TMEM185A: variants seen among roughly 807,000 people sequenced by gnomAD.
The protein encoded by TMEM185A is family with sequence similarity 11, member A.
A neutral mutation model predicts 25.0 loss-of-function variants in TMEM185A; 9 were observed. That is an observed-to-expected ratio of 0.36 (90% CI 0.22 to 0.63). The LOEUF (loss-of-function observed/expected upper bound fraction) is 0.63, where lower values mean the gene tolerates loss of function less well. Ranked by LOEUF, TMEM185A falls within the 20% of genes least tolerant of loss-of-function variation. The pLI is 0.68. For synonymous variants in TMEM185A, 45 were observed against 93.5 expected (o/e 0.48, Z 2.99); for missense variants, 103 against 237.4 (o/e 0.43, Z 3.72).
chrX:149,623,305 G>A lies in TMEM185A; in HGVS notation c.38+8238C>T, dbSNP rs1975357075. On this transcript the variant is annotated intron_variant, in intron 1 of 6. Transcript: ENST00000600449. ...GGCTGTGGTAACATGGTAGGGGAAT[G>A]TGAATATCAAGGTAAAGTCCTTGGA... 2.7e-5 allele frequency among the ~76,000 whole-genome samples: 3 copies of A among 111,597 alleles called. No individual in the cohort carries two copies. The South Asian group carries it at 1.1e-3, about 42-fold the overall frequency.
At chrX:149,623,813 A>T (rs892675559) in intron 1 of TMEM185A, among the ~76,000 whole-genome samples, 1 of 112,395 alleles carries the variant, frequency 8.9e-6, no homozygotes, top group Non-Finnish European at 1.9e-5. Flanking sequence ...AAAGTAATAC[A>T]ATCAGTAAGT....
intron 1 of TMEM185A, among the ~76,000 whole-genome samples, chrX:149,621,226 G>C (rs2090138503): frequency 9.0e-6 from 1 of 110,583 alleles, no homozygotes; most frequent in South Asian, 3.9e-4. Flanking sequence ...ATTGGTGGGG[G>C]GGGGTGGTAA....
At chrX:149,623,243 C>G (rs1464336229) in intron 1 of TMEM185A, among the ~76,000 whole-genome samples, 1 of 111,347 alleles carries the variant, frequency 9.0e-6, no homozygotes, top group Admixed American at 9.6e-5. Context: ...GCTGCAGAGA[C>G]AGGAGAAAGG....
intron 1 of TMEM185A, among the ~76,000 whole-genome samples, chrX:149,612,541 T>TG (rs2090089373): frequency 8.9e-6 from 1 of 112,661 alleles, no homozygotes; most frequent in African/African-American, 3.2e-5. Context: ...AAAGCTGGAA[T>TG]GACTATATTA....
chrX:149,610,478 T>A (rs1557354359), intron 2 of TMEM185A, among the ~76,000 whole-genome samples: 2 of 107,298 alleles, frequency 1.9e-5, no homozygotes, highest in African/African-American at 6.8e-5. Flanking sequence ...GTTTCAACTT[T>A]ACACTTTTCC....
intron 1 of TMEM185A, among the ~76,000 whole-genome samples, chrX:149,626,941 C>G (rs2090166225): frequency 1.8e-5 from 2 of 112,302 alleles, no homozygotes; most frequent in East Asian, 5.6e-4. Flanking sequence ...TGGTTTTCTC[C>G]TATCTCAGAA....
chrX:149,625,379 T>C (rs941802494), intron 1 of TMEM185A, among the ~76,000 whole-genome samples: 3 of 112,399 alleles, frequency 2.7e-5, no homozygotes, highest in Admixed American at 9.4e-5. Flanking sequence ...AAGAACAATG[T>C]GTGTGTAATT....
At chrX:149,617,081 C>G (rs2090114321) in intron 1 of TMEM185A, among the ~76,000 whole-genome samples, 1 of 111,898 alleles carries the variant, frequency 8.9e-6, no homozygotes, top group African/African-American at 3.3e-5. Flanking sequence ...GAAAGTACAC[C>G]TTGACTCTTA....
chrX:149,620,591 G>A (rs999060522), intron 1 of TMEM185A, among the ~76,000 whole-genome samples: 7 of 111,494 alleles, frequency 6.3e-5, no homozygotes, highest in African/African-American at 2.3e-4. Context: ...TTGTGCTCCA[G>A]CACCAGCTGT....
intron 2 of TMEM185A, among the ~76,000 whole-genome samples, chrX:149,609,267 C>A (rs1194585058): frequency 8.9e-6 from 1 of 112,501 alleles, no homozygotes; most frequent in African/African-American, 3.2e-5. Flanking sequence ...TTTCAAGAAA[C>A]CATGTAAACC....
intron 3 of TMEM185A, among the ~76,000 whole-genome samples, chrX:149,606,535 G>A (rs1311002433): frequency 8.9e-6 from 1 of 112,267 alleles, no homozygotes; most frequent in Non-Finnish European, 1.9e-5. Context: ...AACTCCCACA[G>A]TTCCTTCCTT....
chrX:149,618,811 G>A (rs781803725), intron 1 of TMEM185A, among the ~76,000 whole-genome samples: 6 of 111,573 alleles, frequency 5.4e-5, no homozygotes, highest in Non-Finnish European at 9.4e-5. Flanking sequence ...TGAGAGTAGC[G>A]ACACTGTTTC....
intron 2 of TMEM185A, 150 bp from the exon 3 acceptor site, chrX:149,608,984 T>TA: frequency 2.0e-6 from 1 of 508,129 alleles, no homozygotes; most frequent in East Asian, 3.7e-5. Context: ...AAAGCTAACT[T>TA]AAACCTAAGC....
chrX:149,615,542 G>A (rs112255569), intron 1 of TMEM185A, among the ~76,000 whole-genome samples: 26 of 110,936 alleles, frequency 2.3e-4, no homozygotes, highest in Admixed American at 9.6e-4. Context: ...ATGATATTCC[G>A]TGTAGGAAAT....
chrX:149,627,206 C>A (rs1228177893), intron 1 of TMEM185A, among the ~76,000 whole-genome samples: 1 of 112,607 alleles, frequency 8.9e-6, no homozygotes, highest in Admixed American at 9.3e-5. Context: ...GATGTCCCTG[C>A]GGCCTTCCGC....
intron 3 of TMEM185A, 137 bp from the exon 4 acceptor site, chrX:149,604,207 C>G (rs1367939077): frequency 9.1e-6 from 4 of 438,307 alleles, no homozygotes; most frequent in Non-Finnish European, 1.5e-5. Context: ...ACTGGAAACT[C>G]CTGATTTTCG....
chrX:149,631,774 C>CCGCCGCCGCCGCCGCCGCCGCCGCCAA lies in TMEM185A; in HGVS notation c.-195_-194insTTGGCGGCGGCGGCGGCGGCGGCGGCG, dbSNP rs2090199877. 1 of 153,552 alleles carries CCGCCGCCGCCGCCGCCGCCGCCGCCAA rather than the reference C, an allele frequency of 6.5e-6. No individual in the cohort carries two copies. Among genetic ancestry groups the CCGCCGCCGCCGCCGCCGCCGCCGCCAA allele is most frequent in the Non-Finnish European group, 1.1e-5 (1 of 93,581 alleles). 12.7% of individuals were successfully genotyped at this position (153,552 alleles called of 1,213,427 possible). ...GCCGCCGCCGCCGCCGCCGCCGCCGCCGCCGCCCGGAGAAACCTGAGCCAC... is the reference window on the plus strand; with the variant it reads ...GCCGCCGCCGCCGCCGCCGCCGCCGCCGCCGCCGCCGCCGCCGCCGCCGCCAACGCCGCCCGGAGAAACCTGAGCCAC... On this transcript the variant is annotated 5_prime_UTR_variant, in exon 1 of 7. Coordinates refer to ENST00000600449, the MANE Select transcript of TMEM185A (RefSeq NM_032508.4).
At position 149,608,807 on chromosome X, in the gene TMEM185A, A is replaced by C. The variant is rs1171896333; in HGVS notation, c.243T>G (p.Phe81Leu). The change falls in exon 3 of 7, where the codon TTT becomes TTG. Residue 81 changes from phenylalanine to leucine, a missense_variant. Coordinates refer to ENST00000600449, the MANE Select transcript of TMEM185A (RefSeq NM_032508.4). ...TGCCCACTGCAATCAACATGGCTTT[A>C]AACTCCACACACGTTTCTCCTTCTG... ...YRAEGETCVE[F>L]KAMLIAVGIH... is the part of the protein sequence containing the mutation. The C allele has an allele frequency of 8.3e-7, 1 of 1,209,859 alleles. No homozygotes were observed. Among genetic ancestry groups the C allele is most frequent in the Non-Finnish European group, 1.1e-6 (1 of 895,154 alleles).
intron 1 of TMEM185A, among the ~76,000 whole-genome samples, chrX:149,619,510 T>A (rs1252292362): frequency 2.7e-5 from 3 of 110,652 alleles, no homozygotes; most frequent in East Asian, 2.8e-4. Flanking sequence ...CTTTTTTTTA[T>A]TATTATTATA....
Sources: allele counts gnomAD v4.1 joint callset (sites outside exome capture counted in the v4.1 genomes callset), GRCh38; gene constraint gnomAD v4.1.1; transcripts MANE v1.5; gene names NCBI Gene and HGNC (gene_info 2026-07-23, HGNC 2026-07-21).